The following CEP97 variants were observed in gnomAD, a reference collection of about 807,000 sequenced individuals.
The protein encoded by CEP97 is centrosomal protein of 97 kDa.
Under a neutral mutation model 73.1 loss-of-function variants are expected in CEP97, and 43 were observed. The ratio of observed to expected loss-of-function variants is 0.59; its 90% confidence interval spans 0.46 to 0.76. The LOEUF (loss-of-function observed/expected upper bound fraction) is 0.76, where lower values mean the gene tolerates loss of function less well. Among genes scored for constraint, CEP97 ranks in the 30% least tolerant of loss-of-function variants. The pLI, the probability that CEP97 is intolerant of heterozygous loss-of-function variation, is 0.00. For synonymous variants in CEP97, 337 were observed against 370.0 expected, an observed-to-expected ratio of 0.91 and a Z score of 1.02; for missense variants, 939 against 1,014.0, an observed-to-expected ratio of 0.93 and a Z score of 1.00.
In CEP97 at chr3:101,758,143, T is replaced by G; in HGVS notation, c.1537T>G (p.Ser513Ala). Reference sequence around the variant, plus strand: ...TCCTGAGTCAACTGAGCAGAAACAATCAGACATAAAGAAACCAGAAAATAC... The same window carrying G: ...TCCTGAGTCAACTGAGCAGAAACAAGCAGACATAAAGAAACCAGAAAATAC... ...FFPESTEQKQ[S>A]DIKKPENTQP... is the part of the protein sequence containing the mutation. Residue 513 changes from serine (S) to alanine (A), a missense_variant, in exon 9 of 11, where the codon TCA becomes GCA. By Grantham distance (99) the Ser-to-Ala change is moderately conservative (BLOSUM62 1). Coordinates refer to ENST00000341893, the MANE Select transcript of CEP97 (RefSeq NM_024548.4). The G allele has an allele frequency of 6.2e-7, 1 of 1,614,066 alleles. No homozygotes were observed. The highest frequency in any genetic ancestry group is 1.3e-5 in the African/African-American group (1 of 75,022).
At chr3:101,725,134 C>T (rs1937837661) in intron 1 of CEP97, among the ~76,000 whole-genome samples, 1 of 152,216 alleles carries the variant, frequency 6.6e-6, no homozygotes, top group Non-Finnish European at 1.5e-5. Flanking sequence ...TCAGGAAAAC[C>T]TTCCCTCAGA....
chr3:101,732,492 C>A lies in CEP97; in HGVS notation c.566C>A (p.Ser189Tyr). The change falls in exon 6 of 11, where the codon TCT becomes TAT. Residue 189 changes from serine (S) to tyrosine (Y), a missense_variant. By Grantham distance (144) the Ser-to-Tyr change is moderately radical. Coordinates refer to ENST00000341893, the MANE Select transcript of CEP97 (RefSeq NM_024548.4). ...CAAAGATATCTTTTGTTCCAGATCT[C>A]TTTTTTGGCATCCTTAACTGAATTG... ...ENEIRDLNEI[S>Y]FLASLTELEQ... is the part of the protein sequence containing the mutation. 1 of 1,601,342 alleles carries A rather than the reference C, an allele frequency of 6.2e-7. No homozygotes were observed. The highest frequency in any genetic ancestry group is 1.1e-5 in the South Asian group (1 of 90,094).
chr3:101,758,600 CTCTA>C, intron 9 of CEP97, 177 bp downstream of exon 9: 3 of 673,346 alleles, frequency 4.5e-6, no homozygotes, highest in South Asian at 2.0e-5. Flanking sequence ...ACACTATCTG[CTCTA>C]TCTCCTCATC....
chr3:101,735,186 A>G (rs1356160884), intron 6 of CEP97, among the ~76,000 whole-genome samples: 1 of 152,254 alleles, frequency 6.6e-6, no homozygotes, highest in Non-Finnish European at 1.5e-5. Context: ...TTGATTGGAT[A>G]AATAATGATA....
chr3:101,725,133 C>A (rs1937837510), intron 1 of CEP97, among the ~76,000 whole-genome samples: 1 of 152,208 alleles, frequency 6.6e-6, no homozygotes, highest in African/African-American at 2.4e-5. Flanking sequence ...ATCAGGAAAA[C>A]CTTCCCTCAG....
intron 6 of CEP97, among the ~76,000 whole-genome samples, chr3:101,740,225 C>T (rs1938406850): frequency 6.6e-6 from 1 of 152,060 alleles, no homozygotes; most frequent in African/African-American, 2.4e-5. Context: ...TTTGGAAAAC[C>T]CCATTGTTCC....
chr3:101,755,454 T>G lies in CEP97; in HGVS notation c.753T>G (p.Ser251Arg). 1 of 1,614,158 alleles carries G rather than the reference T, an allele frequency of 6.2e-7. No individual in the cohort carries two copies. Among genetic ancestry groups the G allele is most frequent in the Non-Finnish European group, 8.5e-7 (1 of 1,180,018 alleles). Residue 251 changes from serine to arginine, a missense_variant, in exon 7 of 11, where the codon AGT becomes AGG. Ser to Arg is a moderately radical substitution (Grantham distance 110). Transcript: ENST00000341893. ...GTTTGAAAGCTGAATGGCTCTATAG[T>G]CAAGGCAAGGGGAGAGCATATCGGC... ...KESLKAEWLY[S>R]QGKGRAYRPG...
At chr3:101,738,547 C>G (rs2466369) in intron 6 of CEP97, among the ~76,000 whole-genome samples, 5 of 152,150 alleles carry the variant, frequency 3.3e-5, no homozygotes, top group African/African-American at 1.2e-4. Context: ...TTAAAACCGC[C>G]CAACTACACG....
At chr3:101,741,183 A>G (rs1938441105) in intron 6 of CEP97, among the ~76,000 whole-genome samples, 1 of 152,242 alleles carries the variant, frequency 6.6e-6, no homozygotes. Context: ...TCCTTATTTA[A>G]TAAATGGTGT....
intron 6 of CEP97, among the ~76,000 whole-genome samples, chr3:101,743,015 G>A (rs1160725499): frequency 6.6e-6 from 1 of 152,132 alleles, no homozygotes; most frequent in Non-Finnish European, 1.5e-5. Flanking sequence ...AGGCCAAGGT[G>A]GGTGGATTGC....
At chr3:101,756,995 C>A (rs1276615607) in intron 7 of CEP97, 68 bp from the exon 8 acceptor site, 1 of 1,417,056 alleles carries the variant, frequency 7.1e-7, no homozygotes. Flanking sequence ...GACATTGTTA[C>A]CTAGGAAGCA....
Position 101,743,489 on chromosome 3 carries a change from A to G in CEP97, c.728+10835A>G, listed in dbSNP as rs150708441. Among the ~76,000 whole-genome samples the G allele has an allele frequency of 3.5e-4, 53 of 152,036 alleles. 1 individual carries two copies. The highest frequency in any genetic ancestry group is 1.2e-3 in the African/African-American group (51 of 41,498). On this transcript the variant is annotated intron_variant, in intron 6 of 10. Transcript: ENST00000341893. Reference sequence around the variant, plus strand: ...TAGCTCATTGTAACCTCCGCCTCCTACGCTGAAGGGACCGTCCTGTCTCAG... The same window carrying G: ...TAGCTCATTGTAACCTCCGCCTCCTGCGCTGAAGGGACCGTCCTGTCTCAG...
Position 101,765,021 on chromosome 3 carries a change from C to G in CEP97, c.2068C>G (p.Pro690Ala). The change falls in exon 11 of 11, where the codon CCT (proline) becomes GCT (alanine). Residue 690 changes from proline (P) to alanine (A), a missense_variant. Transcript: ENST00000341893. ...TTGGTTTATTGCTTCTGATGTAGCT[C>G]CTCAAGAGAAATCATTACCAGAATT... ...ADWFIASDVA[P>A]QEKSLPEFPD... 9 of 1,614,130 alleles carry G rather than the reference C, an allele frequency of 5.6e-6. No individual in the cohort carries two copies. Among genetic ancestry groups the G allele is most frequent in the Non-Finnish European group, 7.6e-6 (9 of 1,180,022 alleles).
Position 101,765,165 on chromosome 3 carries a change from GAC to G in CEP97, c.2216_2217del (p.Thr739SerfsTer13), listed in dbSNP as rs1560023391. On this transcript the variant is annotated frameshift_variant, in exon 11 of 11. Coordinates refer to ENST00000341893, the MANE Select transcript of CEP97 (RefSeq NM_024548.4). LOFTEE classifies it low-confidence loss of function (END_TRUNC). Reference sequence around the variant, plus strand: ...AAGCTCCATAATGGGGAATTCCATTGACACAGTCAGATATGGCAAAGAATCAG... The same window carrying G: ...AAGCTCCATAATGGGGAATTCCATTGACAGTCAGATATGGCAAAGAATCAG... ...SESSIMGNSI[D>X]TVRYGKESDL... 1.9e-6 allele frequency: 3 copies of G among 1,614,168 alleles called. No individual in the cohort carries two copies. The South Asian group carries it at 3.3e-5, about 18-fold the overall frequency.
intron 6 of CEP97, among the ~76,000 whole-genome samples, chr3:101,743,550 T>G (rs1018473587): frequency 1.3e-5 from 2 of 151,946 alleles, no homozygotes; most frequent in Non-Finnish European, 2.9e-5. Context: ...CACACACCAC[T>G]GTGCCCAGCT....
chr3:101,763,442 C>T (rs997003287), intron 10 of CEP97, among the ~76,000 whole-genome samples: 1 of 151,876 alleles, frequency 6.6e-6, no homozygotes, highest in Non-Finnish European at 1.5e-5. Flanking sequence ...CCTTGAACTC[C>T]TCAAGTGATC....
At chr3:101,737,006 T>A (rs913645582) in intron 6 of CEP97, among the ~76,000 whole-genome samples, 1 of 152,232 alleles carries the variant, frequency 6.6e-6, no homozygotes, top group Admixed American at 6.5e-5. Context: ...AATGACCTGA[T>A]GGAGCTGCAA....
rs752880021 is a variant in CEP97, at chr3:101,728,972, A to T, written c.447+35A>T. The T allele has an allele frequency of 4.3e-6, 5 of 1,165,712 alleles. No homozygotes were observed. The South Asian group carries it at 5.0e-5, about 12-fold the overall frequency. The allele number at this position is 1,165,712 out of a possible 1,614,324, so 72.2% of individuals were successfully genotyped here. On this transcript the variant is annotated intron_variant, in intron 4 of 10. Transcript: ENST00000341893. Reference sequence around the variant, plus strand: ...TTTTCTTTGTCATTTGTGAAGTTTTATAGCAAAATACCAAGAGAAAGTAAT... The same window carrying T: ...TTTTCTTTGTCATTTGTGAAGTTTTTTAGCAAAATACCAAGAGAAAGTAAT...
At chr3:101,730,237 TTTTG>T (rs1275785434) in intron 4 of CEP97, among the ~76,000 whole-genome samples, 1 of 50,090 alleles carries the variant, frequency 2.0e-5, no homozygotes, top group Non-Finnish European at 4.1e-5. Flanking sequence ...TGTTTTTTTG[TTTTG>T]TTTTGTTTTG....
Sources: gnomAD v4.1 joint callset for allele counts (sites outside exome capture counted in the v4.1 genomes callset) on GRCh38, gnomAD v4.1.1 for gene constraint, MANE v1.5 for transcripts, NCBI Gene and HGNC (gene_info 2026-07-23, HGNC 2026-07-21) for gene names.